Variants in INTS1 observed in about 807,000 individuals in gnomAD.
INTS1 encodes the protein integrator complex subunit 1.
Under a neutral mutation model 241.6 loss-of-function variants are expected in INTS1, and 137 were observed. The observed-to-expected ratio is 0.57, with a 90% CI of 0.49 to 0.65. The LOEUF is 0.65. Among genes scored for constraint, INTS1 ranks in the 30% least tolerant of loss-of-function variants. The pLI, the probability that INTS1 is intolerant of heterozygous loss-of-function variation, is 0.00. For synonymous variants in INTS1, 1,692 were observed against 1,337.8 expected, an observed-to-expected ratio of 1.26 and a Z score of -5.78; for missense variants, 3,073 against 3,032.2, an observed-to-expected ratio of 1.01 and a Z score of -0.32.
chr7:1,488,005 C>T lies in INTS1; in HGVS notation c.2319-48G>A, dbSNP rs1248113681. The T allele has an allele frequency of 2.5e-6, 4 of 1,590,382 alleles. No homozygotes were observed. In the South Asian group the frequency reaches 4.4e-5, roughly 18 times the overall value. On this transcript the variant is annotated intron_variant, in intron 18 of 47. Coordinates refer to ENST00000404767, the MANE Select transcript of INTS1 (RefSeq NM_001080453.3). ...GTCACCCTGCCCCCCATGAAGGGCTCACTCCCAGTGGGCCACGCTCAGGGT... is the reference window on the plus strand; with the variant it reads ...GTCACCCTGCCCCCCATGAAGGGCTTACTCCCAGTGGGCCACGCTCAGGGT...
rs201818094 is a variant in INTS1 at position 1,499,841 on chromosome 7, G to A, written c.684+43C>T. The A allele has an allele frequency of 2.7e-4, 425 of 1,591,184 alleles. 4 individuals are homozygous for A. The highest frequency in any genetic ancestry group is 2.5e-3 in the Middle Eastern group (15 of 5,972). ...TTTTCTCTCGCCCCTGCCCCACCCC[G>A]TGGCGCTCTGCCATCTTCACCGTCC... On this transcript the variant is annotated intron_variant, in intron 5 of 47. Coordinates refer to ENST00000404767, the MANE Select transcript of INTS1 (RefSeq NM_001080453.3).
Position 1,471,596 on chromosome 7 carries a change from C to T in INTS1, c.6230G>A (p.Arg2077Lys). The change falls in exon 45 of 48, where the codon AGA becomes AAA. Residue 2077 changes from arginine to lysine, a missense_variant. Arg to Lys is a conservative substitution (Grantham distance 26, BLOSUM62 2). Transcript: ENST00000404767. ...CGAGAAGAAGCTCAGGATCTCGGGT[C>T]TCCGCCGGGACATCTCGTCTATGTC... ...LSDIDEMSRRRPEILSFFSTN... is the reference protein window; with the variant it reads ...LSDIDEMSRRKPEILSFFSTN... 6.2e-7 allele frequency: 1 copy of T among 1,612,430 alleles called. No individual in the cohort carries two copies. The highest frequency in any genetic ancestry group is 8.5e-7 in the Non-Finnish European group (1 of 1,179,806).
chr7:1,470,744 G>T, intron 47 of INTS1, 52 bp from the exon 48 acceptor site: 1 of 1,476,114 alleles, frequency 6.8e-7, no homozygotes, highest in Non-Finnish European at 9.1e-7. Flanking sequence ...CATCCTGGCC[G>T]CAGTGACCAG....
chr7:1,488,573 T>C (rs1193196454), intron 18 of INTS1, among the ~76,000 whole-genome samples: 1 of 151,934 alleles, frequency 6.6e-6, no homozygotes, highest in Non-Finnish European at 1.5e-5. Flanking sequence ...GGCAGACACA[T>C]GCCCAGTCCT....
intron 13 of INTS1, 134 bp downstream of exon 13, chr7:1,495,299 G>T: frequency 1.8e-6 from 2 of 1,086,628 alleles, no homozygotes; most frequent in Non-Finnish European, 2.6e-6. Context: ...GGCTTAGTGG[G>T]GTGTGGGGCA....
chr7:1,494,034 T>A, intron 14 of INTS1, 123 bp from the exon 15 acceptor site: 1 of 1,235,090 alleles, frequency 8.1e-7, no homozygotes, highest in Non-Finnish European at 1.1e-6. Flanking sequence ...TGCTGCTGCC[T>A]CCCACGAGCC....
At chr7:1,480,554 A>G in intron 29 of INTS1, 113 bp from the exon 30 acceptor site, 2 of 1,225,280 alleles carry the variant, frequency 1.6e-6, no homozygotes, top group Non-Finnish European at 1.1e-6. Context: ...CAGGAGGAAG[A>G]GCTCAGACCT....
At chr7:1,498,917 CCACA>C in intron 8 of INTS1, 54 bp downstream of exon 8, 2 of 1,532,648 alleles carry the variant, frequency 1.3e-6, no homozygotes, top group East Asian at 4.9e-5. Flanking sequence ...CGCTGTGGGG[CCACA>C]CAGAGCCTGC....
chr7:1,488,000 G>A lies in INTS1; in HGVS notation c.2319-43C>T, dbSNP rs368219521. 7.5e-6 allele frequency: 12 copies of A among 1,599,994 alleles called. No individual in the cohort carries two copies. In the African/African-American group the frequency reaches 1.3e-4, roughly 18 times the overall value. ...AGCGTGTCACCCTGCCCCCCATGAA[G>A]GGCTCACTCCCAGTGGGCCACGCTC... is the stretch of plus-strand genomic sequence containing the variant. On this transcript the variant is annotated intron_variant, in intron 18 of 47. Transcript: ENST00000404767.
chr7:1,473,515 C>T (rs559001672), intron 42 of INTS1, 51 bp downstream of exon 42: 1 of 1,550,766 alleles, frequency 6.4e-7, no homozygotes, highest in South Asian at 1.2e-5. Flanking sequence ...CCAGACCCCG[C>T]TGGACCCTCG....
intron 26 of INTS1, 142 bp downstream of exon 26, chr7:1,483,600 G>C: frequency 4.2e-6 from 3 of 711,380 alleles, no homozygotes. Flanking sequence ...TCCTCTTTAG[G>C]AGAGAAGCCA....
At position 1,493,764 on chromosome 7, in the gene INTS1, C is replaced by T. The variant is rs939837940; in HGVS notation, c.2058G>A (p.Val686=). 12 of 1,578,526 alleles carry T rather than the reference C, an allele frequency of 7.6e-6. No homozygotes were observed. In the Admixed American group the frequency reaches 1.5e-4, roughly 19 times the overall value. ...ADHLVKRAAA[V]QADDVEVLKV... is the part of the protein sequence containing the mutation. The stretch of plus-strand genomic sequence containing the variant: ...CTGCAGAAGCCATACCATCCGCCTG[C>T]ACGGCAGCCGCCCGCTTCACCAGGT... Residue 686 remains valine (V), a synonymous_variant, in exon 15 of 48, where the codon GTG becomes GTA. Transcript: ENST00000404767. The surrounding 1 kb of genome is among the most constrained non-coding windows in gnomAD (Gnocchi z 5.3).
Position 1,473,139 on chromosome 7 carries a change from G to C in INTS1, c.6003C>G (p.Leu2001=). 1 of 1,612,284 alleles carries C rather than the reference G, an allele frequency of 6.2e-7. No homozygotes were observed. Among genetic ancestry groups the C allele is most frequent in the South Asian group, 1.1e-5 (1 of 91,074 alleles). ...TGCTGGGCAGGCTGAGCCCTGCAAG[G>C]AGGGATTTCAGCATCACCAGGTCAC... ...DNSDLVMLKS[L]LAGLSLPSRD... Residue 2001 remains leucine, a synonymous_variant, in exon 43 of 48, where the codon CTC becomes CTG. Transcript: ENST00000404767.
intron 39 of INTS1, among the ~76,000 whole-genome samples, chr7:1,475,208 CCTCT>C (rs558696477): frequency 4.4e-4 from 67 of 152,194 alleles, no homozygotes; most frequent in South Asian, 1.5e-3. Context: ...TGAAAATAGC[CCTCT>C]CTATTTTCAA....
chr7:1,480,547 G>A (rs1173717016), intron 29 of INTS1, 106 bp from the exon 30 acceptor site: 3 of 1,306,316 alleles, frequency 2.3e-6, no homozygotes, highest in South Asian at 1.5e-5. Flanking sequence ...TGTCACCCAG[G>A]AGGAAGAGCT....
At chr7:1,485,503 C>G (rs371935378) in intron 22 of INTS1, 34 bp from the exon 23 acceptor site, 10 of 1,602,338 alleles carry the variant, frequency 6.2e-6, no homozygotes, top group Non-Finnish European at 8.5e-6. Context: ...GGCCGGCTTT[C>G]GGCAGTGCAG....
At position 1,502,129 on chromosome 7, in the gene INTS1, C is replaced by T. The variant is rs1405108742; in HGVS notation, c.349+772G>A. Among the ~76,000 whole-genome samples the T allele has an allele frequency of 3.9e-5, 6 of 152,130 alleles. No homozygotes were observed. In the East Asian group the frequency reaches 7.7e-4, roughly 20 times the overall value. ...CACAAAACTCAGTAACCAGAGGTGGCGCGGCTTGAACAGACACCTCACTAC... is the reference window on the plus strand; with the variant it reads ...CACAAAACTCAGTAACCAGAGGTGGTGCGGCTTGAACAGACACCTCACTAC... On this transcript the variant is annotated intron_variant, in intron 3 of 47. Transcript: ENST00000404767.
At chr7:1,486,841 G>A (rs979396347) in intron 21 of INTS1, 67 bp from the exon 22 acceptor site, 30 of 1,596,472 alleles carry the variant, frequency 1.9e-5, no homozygotes, top group South Asian at 8.9e-5. Flanking sequence ...TGGGGTGCGC[G>A]GCTGGTGGGC....
At chr7:1,474,655 C>A (rs541839539) in intron 40 of INTS1, 50 bp downstream of exon 40, 14 of 1,518,904 alleles carry the variant, frequency 9.2e-6, no homozygotes, top group African/African-American at 1.4e-5. Flanking sequence ...AGCCGCAGAC[C>A]CCCCTGGTTA....
Sources: allele counts gnomAD v4.1 joint callset (sites outside exome capture counted in the v4.1 genomes callset), GRCh38; gene constraint gnomAD v4.1.1; non-coding constraint Gnocchi (gnomAD v3.1); transcripts MANE v1.5; gene names NCBI Gene and HGNC (gene_info 2026-07-23, HGNC 2026-07-21).